MACROD2: variants seen among roughly 807,000 people sequenced by gnomAD.
MACROD2 encodes ADP-ribose glycohydrolase MACROD2.
Under a neutral mutation model 70.4 loss-of-function variants are expected in MACROD2, and 36 were observed. That is an observed-to-expected ratio of 0.51 (90% CI 0.39 to 0.68). The LOEUF is 0.68. Among genes scored for constraint, MACROD2 ranks in the 30% least tolerant of loss-of-function variants. The pLI is 0.00. For missense variants in MACROD2, 496 were observed against 538.4 expected, an observed-to-expected ratio of 0.92 and a Z score of 0.78; for synonymous variants, 172 against 178.8, an observed-to-expected ratio of 0.96 and a Z score of 0.30.
rs574524564 is a variant in MACROD2 at position 15,276,197 on chromosome 20, G to A, written c.540+46136G>A. 4.6e-5 allele frequency among the ~76,000 whole-genome samples: 7 copies of A among 152,094 alleles called. No homozygotes were observed. In the East Asian group the frequency reaches 7.7e-4, roughly 17 times the overall value. On this transcript the variant is annotated intron_variant, in intron 6 of 17. Coordinates refer to ENST00000684519, the MANE Select transcript of MACROD2 (RefSeq NM_001351661.2). ...GGGCGGATCACAAGGTCAGGAGATC[G>A]AGACCATCCTGGCTAACACGGTGAA...
At chr20:15,714,282 C>A (rs910608562) in intron 8 of MACROD2, among the ~76,000 whole-genome samples, 5 of 152,190 alleles carry the variant, frequency 3.3e-5, no homozygotes, top group Admixed American at 2.6e-4. Flanking sequence ...GAGAAATTCA[C>A]TGGAAATGGG....
chr20:15,698,174 G>A (rs2050404285), intron 8 of MACROD2, among the ~76,000 whole-genome samples: 1 of 152,140 alleles, frequency 6.6e-6, no homozygotes, highest in Non-Finnish European at 1.5e-5. Flanking sequence ...TAGGTCCTGT[G>A]TGATTTATGC....
At chr20:14,868,331 G>A (rs185212499) in intron 5 of MACROD2, among the ~76,000 whole-genome samples, 1 of 151,796 alleles carries the variant, frequency 6.6e-6, no homozygotes, top group Non-Finnish European at 1.5e-5. Context: ...GGGACTGCAG[G>A]TGTGTGCCAC....
chr20:14,788,989 G>A (rs1337203180), intron 5 of MACROD2, among the ~76,000 whole-genome samples: 1 of 151,680 alleles, frequency 6.6e-6, no homozygotes, highest in African/African-American at 2.4e-5. Flanking sequence ...GGCTGGTCTC[G>A]AACTCCTGAC....
chr20:16,032,180 A>G (rs2067160175), intron 15 of MACROD2, among the ~76,000 whole-genome samples: 1 of 152,064 alleles, frequency 6.6e-6, no homozygotes, highest in South Asian at 2.1e-4. Context: ...GTATGTTTTC[A>G]CCTGTAAGTG....
intron 3 of MACROD2, among the ~76,000 whole-genome samples, chr20:14,165,664 T>C (rs1164987516): frequency 6.6e-6 from 1 of 152,252 alleles, no homozygotes; most frequent in Non-Finnish European, 1.5e-5. Flanking sequence ...AAATGTGTTT[T>C]GATTAAAGAC....
intron 5 of MACROD2, among the ~76,000 whole-genome samples, chr20:14,918,013 C>A (rs1402139204): frequency 6.6e-6 from 1 of 152,090 alleles, no homozygotes; most frequent in Admixed American, 6.5e-5. Flanking sequence ...CGCTCTGTTG[C>A]CCAGGCTGGA....
intron 6 of MACROD2, among the ~76,000 whole-genome samples, chr20:15,240,155 C>A (rs895961352): frequency 6.6e-6 from 1 of 152,138 alleles, no homozygotes; most frequent in African/African-American, 2.4e-5. Flanking sequence ...ATGCTTCTGA[C>A]CTGTTCTTAC....
chr20:15,885,928 C>T, intron 10 of MACROD2, 117 bp downstream of exon 10: 7 of 1,138,660 alleles, frequency 6.1e-6, no homozygotes, highest in Non-Finnish European at 8.3e-6. Context: ...GAAATATATG[C>T]TCAGTGTTAT....
At chr20:15,575,353 G>A (rs777343697) in intron 8 of MACROD2, among the ~76,000 whole-genome samples, 3 of 151,986 alleles carry the variant, frequency 2.0e-5, no homozygotes, top group Admixed American at 6.6e-5. Flanking sequence ...GGTGAAGGAA[G>A]GCAAACATTT....
At chr20:14,323,592 C>A (rs914912633) in intron 3 of MACROD2, 3 of 152,170 alleles carry the variant, frequency 2.0e-5, no homozygotes, top group African/African-American at 4.8e-5. Context: ...TTGTAAGTCC[C>A]AACCCTATAA....
chr20:14,924,282 T>C (rs2074201302), intron 5 of MACROD2, among the ~76,000 whole-genome samples: 2 of 151,714 alleles, frequency 1.3e-5, no homozygotes, highest in African/African-American at 4.8e-5. Flanking sequence ...CTACTAAAAA[T>C]ACAGAAATTA....
At chr20:14,655,319 CTGTGTGTGTGTGTGTGTGTG>C (rs11470954) in intron 4 of MACROD2, among the ~76,000 whole-genome samples, 1 of 141,610 alleles carries the variant, frequency 7.1e-6, no homozygotes, top group Non-Finnish European at 1.5e-5. Context: ...AAAGTGGACA[CTGTGTGTGTGTGTGTGTGTG>C]TGTGTGTGTG....
chr20:15,069,725 G>A (rs1264436346), intron 5 of MACROD2, among the ~76,000 whole-genome samples: 9 of 152,250 alleles, frequency 5.9e-5, no homozygotes, highest in South Asian at 2.1e-4. Flanking sequence ...CATGCAGAAT[G>A]CAAGAGTGAA....
rs552908265 is a variant in MACROD2 at position 15,635,565 on chromosome 20, A to G, written c.645+135718A>G. On this transcript the variant is annotated intron_variant, in intron 8 of 17. Coordinates refer to ENST00000684519, the MANE Select transcript of MACROD2 (RefSeq NM_001351661.2). ...GTACTCTTGGACATAAAGATGCAACAATAGACATTGAGGCTACTAGAGGGT... is the reference window on the plus strand; with the variant it reads ...GTACTCTTGGACATAAAGATGCAACGATAGACATTGAGGCTACTAGAGGGT... Among the ~76,000 whole-genome samples the G allele has an allele frequency of 4.9e-4, 74 of 152,218 alleles. No homozygotes were observed. In the South Asian group the frequency reaches 0.014, roughly 30 times the overall value.
chr20:15,666,476 G>A (rs1435924588), intron 8 of MACROD2, among the ~76,000 whole-genome samples: 1 of 152,092 alleles, frequency 6.6e-6, no homozygotes, highest in Admixed American at 6.5e-5. Flanking sequence ...GAGGAATTCT[G>A]ATGCCAAATG....
intron 6 of MACROD2, among the ~76,000 whole-genome samples, chr20:15,291,375 T>C (rs2077539680): frequency 6.6e-6 from 1 of 152,214 alleles, no homozygotes; most frequent in African/African-American, 2.4e-5. Context: ...ACCTAAATCA[T>C]CTAGCAGAAA....
rs2077700637 is a variant in MACROD2, at chr20:15,306,641, T to TA, written c.540+76582dup. On this transcript the variant is annotated intron_variant, in intron 6 of 17. Transcript: ENST00000684519. ...CTGAATCCTCGTGTATGTGAAACTC[T>TA]AACAGCAGAGTGAGGAAGAGAAGAA... Among the ~76,000 whole-genome samples, 9 of 152,224 alleles carry TA rather than the reference T, an allele frequency of 5.9e-5. No homozygotes were observed. The South Asian group carries it at 1.9e-3, about 32-fold the overall frequency.
At chr20:14,230,119 T>TG (rs1361371811) in intron 3 of MACROD2, among the ~76,000 whole-genome samples, 4 of 152,208 alleles carry the variant, frequency 2.6e-5, no homozygotes, top group Non-Finnish European at 5.9e-5. Flanking sequence ...TAGAGGGTCT[T>TG]GGCTCATTGT....
Sources: allele counts gnomAD v4.1 joint callset (sites outside exome capture counted in the v4.1 genomes callset), GRCh38; gene constraint gnomAD v4.1.1; transcripts MANE v1.5; gene names NCBI Gene and HGNC (gene_info 2026-07-23, HGNC 2026-07-21).